MILR1: variants seen among roughly 807,000 people sequenced by gnomAD.
The protein encoded by MILR1 is mast cell immunoglobulin like receptor 1, also known as allergin-1.
MILR1 carries 31 observed loss-of-function variants against 18.5 expected under a neutral mutation model. The observed-to-expected ratio is 1.68, with a 90% CI of 1.26 to 2.26. MILR1 has a LOEUF of 2.26. Ranked by LOEUF, MILR1 falls within the 30% of genes most tolerant of loss-of-function variation. The pLI is 0.00. For missense variants in MILR1, 257 were observed against 157.4 expected, an observed-to-expected ratio of 1.63 and a Z score of -3.38; for synonymous variants, 85 against 56.2, an observed-to-expected ratio of 1.51 and a Z score of -2.30.
At chr17:64,483,048 A>C in the MILR1 span, 2 of 927,248 alleles carry the variant, frequency 2.2e-6, no homozygotes, top group Non-Finnish European at 3.5e-6. Context: ...GGGAAAAAGC[A>C]TAGTTTGTTT....
intron 3 of MILR1, among the ~76,000 whole-genome samples, chr17:64,454,489 T>C (rs2037246177): frequency 3.3e-5 from 5 of 152,228 alleles, no homozygotes; most frequent in East Asian, 1.9e-4. Context: ...GGCTGCCACA[T>C]TGGACAACAC....
At chr17:64,452,939 A>G in intron 3 of MILR1, 73 bp downstream of exon 3, 2 of 451,632 alleles carry the variant, frequency 4.4e-6, no homozygotes, top group Non-Finnish European at 8.1e-6. Flanking sequence ...GGGGCTCTCC[A>G]TGATCCTTGT....
the MILR1 span, chr17:64,496,550 G>A: frequency 1.9e-6 from 3 of 1,613,828 alleles, no homozygotes; most frequent in East Asian, 2.2e-5. Context: ...ACTGTCCCCG[G>A]GTAGCAAAGG....
downstream of MILR1, chr17:64,468,781 C>A: frequency 1.2e-5 from 3 of 259,126 alleles, no homozygotes; most frequent in Non-Finnish European, 1.8e-5. Context: ...TTCTAGTAGA[C>A]ACAATAAAAA....
intron 9 of MILR1, 45 bp from the exon 10 acceptor site, chr17:64,468,265 G>A (rs1000589887): frequency 2.2e-5 from 10 of 455,692 alleles, no homozygotes; most frequent in African/African-American, 1.6e-4. Context: ...CTGTCTTCAC[G>A]TGGCCTTTTA....
At chr17:64,459,399 C>T (rs1006641079) in intron 4 of MILR1, among the ~76,000 whole-genome samples, 12 of 151,886 alleles carry the variant, frequency 7.9e-5, no homozygotes, top group South Asian at 2.1e-4. Context: ...TCGTGCCCTG[C>T]ATTCCAGCCT....
chr17:64,486,995 TTTC>T, the MILR1 span: 1 of 152,230 alleles, frequency 6.6e-6, no homozygotes, highest in Non-Finnish European at 1.5e-5. Flanking sequence ...CACTTTCATC[TTTC>T]TTTTTTTGTA....
At chr17:64,477,984 C>A in the MILR1 span, 2 of 1,613,586 alleles carry the variant, frequency 1.2e-6, no homozygotes, top group Non-Finnish European at 1.7e-6. Flanking sequence ...CTCATTTCAT[C>A]ATACCTAAGA....
At chr17:64,486,374 TAATAC>T in the MILR1 span, among the ~76,000 whole-genome samples, 5 of 150,630 alleles carry the variant, frequency 3.3e-5, no homozygotes, top group South Asian at 8.5e-4. Context: ...TTTTTTTTTT[TAATAC>T]AGACAGAGTC....
In MILR1 at chr17:64,452,696, C is replaced by T; in HGVS notation, c.197C>T (p.Thr66Ile). The change falls in exon 3 of 10, where the codon ACC becomes ATC. Residue 66 changes from threonine (T) to isoleucine (I), a missense_variant. Coordinates refer to ENST00000619286, the MANE Select transcript of MILR1 (RefSeq NM_001085423.2). Reference sequence around the variant, plus strand: ...CATAAGAACAAATCACTGCAGATCACCTATTCATTGTTTCGACGTAAGACA... The same window carrying T: ...CATAAGAACAAATCACTGCAGATCATCTATTCATTGTTTCGACGTAAGACA... Reference protein sequence around the residue: ...CSHKNKSLQITYSLFRRKTHL... With the variant: ...CSHKNKSLQIIYSLFRRKTHL... 2.1e-6 allele frequency: 1 copy of T among 474,742 alleles called. No individual in the cohort carries two copies. The highest frequency in any genetic ancestry group is 3.9e-6 in the Non-Finnish European group (1 of 258,816). 29.4% of individuals were successfully genotyped at this position (474,742 alleles called of 1,614,324 possible). A position where few individuals can be genotyped will look rare whatever the true frequency, so the allele number is the denominator to read the frequency against.
the MILR1 span, among the ~76,000 whole-genome samples, chr17:64,488,553 A>G: frequency 2.6e-5 from 4 of 152,200 alleles, no homozygotes; most frequent in Non-Finnish European, 4.4e-5. Flanking sequence ...AAAAGAAAAA[A>G]AAGAACAAAA....
intron 5 of MILR1, among the ~76,000 whole-genome samples, chr17:64,463,753 G>GCCTCCTACCT (rs2037482759): frequency 6.6e-6 from 1 of 150,688 alleles, no homozygotes; most frequent in South Asian, 2.1e-4. Context: ...ATAGCTCACT[G>GCCTCCTACCT]TAACCTCCCA....
chr17:64,477,497 C>T, the MILR1 span, among the ~76,000 whole-genome samples: 3 of 152,160 alleles, frequency 2.0e-5, no homozygotes, highest in Non-Finnish European at 4.4e-5. Context: ...TAAACACCAG[C>T]GTACTAAACA....
the MILR1 span, among the ~76,000 whole-genome samples, chr17:64,474,811 TA>T: frequency 4.6e-5 from 7 of 151,602 alleles, no homozygotes; most frequent in African/African-American, 1.7e-4. Context: ...TTTTTTCCAA[TA>T]AAAAAAACCC....
At chr17:64,490,167 C>T in the MILR1 span, among the ~76,000 whole-genome samples, 1 of 152,178 alleles carries the variant, frequency 6.6e-6, no homozygotes, top group Non-Finnish European at 1.5e-5. Flanking sequence ...TCATGATCCT[C>T]CCACTTCGGC....
chr17:64,468,552 G>C lies in MILR1; in HGVS notation c.*271G>C, dbSNP rs144579768. 2.2e-5 allele frequency: 23 copies of C among 1,063,618 alleles called. No homozygotes were observed. In the African/African-American group the frequency reaches 3.4e-4, roughly 16 times the overall value. The allele number at this position is 1,063,618 out of a possible 1,614,324, so 65.9% of individuals were successfully genotyped here. ...GATCTGCCTGCCTCGGCCTCCCAAA[G>C]TGCTGGAACTACAAGCCTGAGCCAC... On this transcript the variant is annotated 3_prime_UTR_variant, in exon 10 of 10. Coordinates refer to ENST00000619286, the MANE Select transcript of MILR1 (RefSeq NM_001085423.2).
Position 64,468,486 on chromosome 17 carries a change from A to G in MILR1, c.*205A>G. 1 of 414,516 alleles carries G rather than the reference A, an allele frequency of 2.4e-6. No homozygotes were observed. The highest frequency in any genetic ancestry group is 4.2e-6 in the Non-Finnish European group (1 of 237,550). 25.7% of individuals were successfully genotyped at this position (414,516 alleles called of 1,614,324 possible). A position where few individuals can be genotyped will look rare whatever the true frequency, so the allele number is the denominator to read the frequency against. On this transcript the variant is annotated 3_prime_UTR_variant, in exon 10 of 10. Coordinates refer to ENST00000619286, the MANE Select transcript of MILR1 (RefSeq NM_001085423.2). The stretch of plus-strand genomic sequence containing the variant: ...GTATTTTTAGTAGAGATGGGGTTTC[A>G]CTATGGTGGCCAGGCTGGTCTTGAA...
chr17:64,462,917 C>T (rs920386636), intron 5 of MILR1, among the ~76,000 whole-genome samples: 9 of 152,002 alleles, frequency 5.9e-5, no homozygotes, highest in Admixed American at 2.6e-4. Context: ...TGAGCCATTA[C>T]GCCCGGCCCA....
At position 64,467,611 on chromosome 17, in the gene MILR1, C is replaced by A. The variant is rs868916834; in HGVS notation, c.1026C>A (p.Asn342Lys). 1 of 1,566,052 alleles carries A rather than the reference C, an allele frequency of 6.4e-7. No individual in the cohort carries two copies. Among genetic ancestry groups the A allele is most frequent in the Non-Finnish European group, 8.7e-7 (1 of 1,148,358 alleles). ...CTGGATATGTCTATTCTGAACTCAA[C>A]TTCTGAAATTTACAGAAACAAACTA... ...YKSGYVYSEL[N>K]F The change falls in exon 9 of 10, where the codon AAC becomes AAA. Residue 342 changes from asparagine (N) to lysine (K), a missense_variant. Transcript: ENST00000619286.
Sources: gnomAD v4.1 joint callset for allele counts (sites outside exome capture counted in the v4.1 genomes callset) on GRCh38, gnomAD v4.1.1 for gene constraint, MANE v1.5 for transcripts, NCBI Gene and HGNC (gene_info 2026-07-23, HGNC 2026-07-21) for gene names.